The following CCBE1 variants were observed in gnomAD, a reference collection of about 807,000 sequenced individuals.
CCBE1 encodes the protein collagen and calcium binding EGF domains 1.
A neutral mutation model predicts 50.0 loss-of-function variants in CCBE1; 37 were observed. That is an observed-to-expected ratio of 0.74 (90% CI 0.57 to 0.97). The LOEUF (loss-of-function observed/expected upper bound fraction) is 0.97, where lower values mean the gene tolerates loss of function less well. CCBE1 is among the 50% of genes least tolerant of loss of function. The probability of loss-of-function intolerance (pLI) is 0.00; values close to 1 mark genes in which losing one functional copy is unlikely to be tolerated. For missense variants in CCBE1, 538 were observed against 523.8 expected (o/e 1.03, Z -0.26); for synonymous variants, 234 against 203.7 (o/e 1.15, Z -1.27).
chr18:59,676,775 G>A (rs77720420), intron 2 of CCBE1, among the ~76,000 whole-genome samples: 1 of 152,230 alleles, frequency 6.6e-6, no homozygotes, highest in Non-Finnish European at 1.5e-5. Flanking sequence ...GGAAGTGTCA[G>A]TGGTGGAGTT....
At chr18:59,507,798 C>T (rs958919661) in intron 2 of CCBE1, among the ~76,000 whole-genome samples, 16 of 152,124 alleles carry the variant, frequency 1.1e-4, no homozygotes, top group African/African-American at 3.1e-4. Context: ...AAGTATATAC[C>T]TGATCATAAA....
At chr18:59,628,867 A>AC (rs2053819030) in intron 2 of CCBE1, among the ~76,000 whole-genome samples, 1 of 152,056 alleles carries the variant, frequency 6.6e-6, no homozygotes, top group Non-Finnish European at 1.5e-5. Flanking sequence ...TTCTGTCCTC[A>AC]CCCCAAATTA....
At chr18:59,532,315 G>T (rs1915084116) in intron 2 of CCBE1, among the ~76,000 whole-genome samples, 3 of 152,166 alleles carry the variant, frequency 2.0e-5, no homozygotes, top group Admixed American at 2.0e-4. Flanking sequence ...AAAATGCTGG[G>T]ATTATAGGCA....
chr18:59,679,783 A>T (rs990296461), intron 2 of CCBE1, among the ~76,000 whole-genome samples: 1 of 152,168 alleles, frequency 6.6e-6, no homozygotes, highest in African/African-American at 2.4e-5. Context: ...TAAGGTGGCC[A>T]GAGTGCACTT....
intron 5 of CCBE1, among the ~76,000 whole-genome samples, chr18:59,457,507 A>G (rs1911252903): frequency 6.6e-6 from 1 of 152,212 alleles, no homozygotes; most frequent in African/African-American, 2.4e-5. Flanking sequence ...TGACTGGGCA[A>G]GGTAATGCAC....
chr18:59,531,817 A>C (rs1188915129), intron 2 of CCBE1, among the ~76,000 whole-genome samples: 2 of 152,188 alleles, frequency 1.3e-5, no homozygotes, highest in Non-Finnish European at 2.9e-5. Flanking sequence ...TCTAGGAATA[A>C]GTGCTTTCTA....
chr18:59,554,519 A>G (rs1916040692), intron 2 of CCBE1, among the ~76,000 whole-genome samples: 1 of 152,222 alleles, frequency 6.6e-6, no homozygotes, highest in Non-Finnish European at 1.5e-5. Flanking sequence ...CTGAGTAACC[A>G]AAATAGCTAT....
intron 2 of CCBE1, among the ~76,000 whole-genome samples, chr18:59,594,178 A>G (rs952867075): frequency 6.6e-6 from 1 of 152,220 alleles, no homozygotes; most frequent in Non-Finnish European, 1.5e-5. Context: ...CCTCCTCCTT[A>G]AAAATTAGAT....
chr18:59,605,315 C>A (rs2053483384), intron 2 of CCBE1, among the ~76,000 whole-genome samples: 1 of 152,174 alleles, frequency 6.6e-6, no homozygotes. Context: ...TGCTGAAAGC[C>A]AGTCACAGCG....
chr18:59,697,441 G>A, upstream of CCBE1: 1 of 1,464,670 alleles, frequency 6.8e-7, no homozygotes, highest in Non-Finnish European at 9.1e-7. Flanking sequence ...CCGGCAGGGG[G>A]CGCCGGAGAG....
At chr18:59,693,548 G>A (rs1013064895) in intron 2 of CCBE1, among the ~76,000 whole-genome samples, 1 of 152,138 alleles carries the variant, frequency 6.6e-6, no homozygotes, top group African/African-American at 2.4e-5. Context: ...GCCATTTCTA[G>A]CTGCTTGTCT....
rs115848582 is a variant in CCBE1, at chr18:59,675,298, G to A, written c.212+21331C>T. Among the ~76,000 whole-genome samples, 1,111 of 152,266 alleles carry A rather than the reference G, an allele frequency of 7.3e-3. 7 individuals are homozygous for A. The highest frequency in any genetic ancestry group is 0.023 in the African/African-American group (965 of 41,550). ...GATTCGGCAGGAATTTCTGCATTGTGTACCAACCATGGTACTAAATAGTTC... is the reference window on the plus strand; with the variant it reads ...GATTCGGCAGGAATTTCTGCATTGTATACCAACCATGGTACTAAATAGTTC... On this transcript the variant is annotated intron_variant, in intron 2 of 10. Transcript: ENST00000439986.
chr18:59,492,003 G>T (rs1246650127), intron 2 of CCBE1, among the ~76,000 whole-genome samples: 1 of 151,732 alleles, frequency 6.6e-6, no homozygotes, highest in Non-Finnish European at 1.5e-5. Flanking sequence ...AATTTAGCCA[G>T]GTATGGTGGC....
intron 2 of CCBE1, among the ~76,000 whole-genome samples, chr18:59,588,299 T>A (rs1380355659): frequency 6.6e-6 from 1 of 152,182 alleles, no homozygotes. Context: ...TGGTGGTGCA[T>A]GCCTGTAATC....
chr18:59,465,949 C>G (rs55854905), intron 5 of CCBE1, among the ~76,000 whole-genome samples: 1 of 152,100 alleles, frequency 6.6e-6, no homozygotes, highest in East Asian at 1.9e-4. Context: ...AACCCTTGAG[C>G]TAATGGGCAT....
chr18:59,489,494 A>C (rs1032455197), intron 2 of CCBE1, among the ~76,000 whole-genome samples: 1 of 152,038 alleles, frequency 6.6e-6, no homozygotes, highest in African/African-American at 2.4e-5. Context: ...GCTCACTGCA[A>C]CCTCTACCTC....
chr18:59,457,192 C>T lies in CCBE1; in HGVS notation c.554-2241G>A, dbSNP rs570561494. On this transcript the variant is annotated intron_variant, in intron 5 of 10. Coordinates refer to ENST00000439986, the MANE Select transcript of CCBE1 (RefSeq NM_133459.4). ...ATCTTGTTAATGCCTGCTTTCTAGG[C>T]GAATTCCCGTAGCTTCCTCACCTGT... is the stretch of plus-strand genomic sequence containing the variant. 1.4e-3 allele frequency among the ~76,000 whole-genome samples: 216 copies of T among 152,296 alleles called. 1 individual carries two copies. Among genetic ancestry groups the T allele is most frequent in the African/African-American group, 4.5e-3 (187 of 41,544 alleles).
intron 2 of CCBE1, among the ~76,000 whole-genome samples, chr18:59,651,567 C>A (rs2054128576): frequency 6.6e-6 from 1 of 152,198 alleles, no homozygotes; most frequent in African/African-American, 2.4e-5. Flanking sequence ...TTAGCTATGG[C>A]TCAGCAGACC....
At chr18:59,460,311 T>C (rs1277507967) in intron 5 of CCBE1, among the ~76,000 whole-genome samples, 1 of 152,148 alleles carries the variant, frequency 6.6e-6, no homozygotes, top group Non-Finnish European at 1.5e-5. Context: ...ATTGTAACAA[T>C]ACAGGCATTA....
Sources: gnomAD v4.1 joint callset for allele counts (sites outside exome capture counted in the v4.1 genomes callset) on GRCh38, gnomAD v4.1.1 for gene constraint, MANE v1.5 for transcripts, NCBI Gene and HGNC (gene_info 2026-07-23, HGNC 2026-07-21) for gene names.